Variants in CENPE observed in about 807,000 individuals in gnomAD.
CENPE encodes the protein centromere protein E.
CENPE carries 145 observed loss-of-function variants against 336.1 expected under a neutral mutation model. The ratio of observed to expected loss-of-function variants is 0.43; its 90% CI spans 0.38 to 0.50. The LOEUF is 0.50. CENPE is among the 20% of genes least tolerant of loss of function. The pLI, the probability that CENPE is intolerant of heterozygous loss-of-function variation, is 0.00. For synonymous variants in CENPE, 1,013 were observed against 984.8 expected, an observed-to-expected ratio of 1.03 and a Z score of -0.54; for missense variants, 2,719 against 3,023.3, an observed-to-expected ratio of 0.90 and a Z score of 2.36.
At position 103,110,942 on chromosome 4, in the gene CENPE, A is replaced by G. The variant is rs781728400; in HGVS notation, c.7610T>C (p.Val2537Ala). The G allele has an allele frequency of 3.7e-6, 6 of 1,612,736 alleles. No homozygotes were observed. In the Admixed American group the frequency reaches 8.4e-5, roughly 22 times the overall value. The change falls in exon 47 of 49, where the codon GTA (valine) becomes GCA (alanine). Residue 2537 changes from valine to alanine, a missense_variant. Transcript: ENST00000265148. ...PLTCGGGSGI[V>A]QNTKALILKS... Reference sequence around the variant, plus strand: ...CAAAATAAGAGCTTTTGTGTTTTGTACAATGCCGCTGCCACCTCCACAAGT... The same window carrying G: ...CAAAATAAGAGCTTTTGTGTTTTGTGCAATGCCGCTGCCACCTCCACAAGT...
At position 103,136,124 on chromosome 4, in the gene CENPE, AC is replaced by A. The variant is rs1306895530; in HGVS notation, c.6522+16del. The A allele has an allele frequency of 6.3e-7, 1 of 1,583,122 alleles. No individual in the cohort carries two copies. The highest frequency in any genetic ancestry group is 2.2e-5 in the East Asian group (1 of 44,698). ...TAACTGAAATATTTAAAAGGATATT[AC>A]TAAAAAAGATGGTACCTTCAGTTTC... On this transcript the variant is annotated intron_variant, in intron 40 of 48. Coordinates refer to ENST00000265148, the MANE Select transcript of CENPE (RefSeq NM_001813.3).
chr4:103,192,146 C>T (rs1435310944), intron 8 of CENPE, among the ~76,000 whole-genome samples: 4 of 151,948 alleles, frequency 2.6e-5, no homozygotes, highest in African/African-American at 4.8e-5. Context: ...CAAAGCTTTA[C>T]GTTATTTCTC....
intron 46 of CENPE, among the ~76,000 whole-genome samples, chr4:103,112,403 TTACA>T (rs1010278586): frequency 2.8e-5 from 4 of 141,126 alleles, no homozygotes; most frequent in Non-Finnish European, 6.1e-5. Context: ...AAATATACAC[TTACA>T]TATATATGTA....
At chr4:103,114,644 T>C in intron 45 of CENPE, 92 bp from the exon 46 acceptor site, 2 of 755,888 alleles carry the variant, frequency 2.6e-6, no homozygotes, top group South Asian at 1.6e-5. Flanking sequence ...TTCTAACACA[T>C]CACATTGACA....
intron 7 of CENPE, 27 bp downstream of exon 7, chr4:103,194,347 A>T (rs546241881): frequency 6.2e-7 from 1 of 1,607,754 alleles, no homozygotes; most frequent in African/African-American, 1.3e-5. Context: ...ACTTGGAAAG[A>T]TCTAACAGAT....
intron 16 of CENPE, among the ~76,000 whole-genome samples, chr4:103,168,329 A>C (rs28680703): frequency 6.6e-6 from 1 of 151,988 alleles, no homozygotes; most frequent in Non-Finnish European, 1.5e-5. Context: ...CCCATAATAG[A>C]TCCTAAAGCA....
At chr4:103,177,142 G>A (rs11932885) in intron 13 of CENPE, 96 bp from the exon 14 acceptor site, 1 of 992,364 alleles carries the variant, frequency 1.0e-6, no homozygotes, top group Non-Finnish European at 1.4e-6. Context: ...CCATTGACTT[G>A]GTAGAATTCT....
chr4:103,180,761 T>C (rs866795278), intron 12 of CENPE, among the ~76,000 whole-genome samples: 1 of 152,152 alleles, frequency 6.6e-6, no homozygotes, highest in Non-Finnish European at 1.5e-5. Context: ...AAGATATGAA[T>C]AGTCAGAAGT....
At chr4:103,165,893 A>G (rs1199082202) in intron 16 of CENPE, among the ~76,000 whole-genome samples, 4 of 150,412 alleles carry the variant, frequency 2.7e-5, no homozygotes, top group African/African-American at 7.3e-5. Context: ...AAAAAAAAAA[A>G]GAAAAAAAAG....
At chr4:103,135,163 GCT>G (rs1314995867) in intron 40 of CENPE, among the ~76,000 whole-genome samples, 1 of 152,014 alleles carries the variant, frequency 6.6e-6, no homozygotes, top group African/African-American at 2.4e-5. Context: ...TTATCCCAAG[GCT>G]CTTAGTCTTC....
At chr4:103,112,166 A>G (rs1749499593) in intron 46 of CENPE, among the ~76,000 whole-genome samples, 2 of 150,546 alleles carry the variant, frequency 1.3e-5, no homozygotes, top group Admixed American at 6.6e-5. Context: ...ATGCATATAT[A>G]TGTGTATACA....
At chr4:103,171,523 A>G (rs1329893355) in intron 16 of CENPE, among the ~76,000 whole-genome samples, 1 of 152,050 alleles carries the variant, frequency 6.6e-6, no homozygotes. Flanking sequence ...CAGTTCTAAA[A>G]GAGAAGTTTA....
chr4:103,198,236 G>C (rs1203232950), intron 1 of CENPE, 28 bp downstream of exon 1: 7 of 1,546,742 alleles, frequency 4.5e-6, no homozygotes, highest in Non-Finnish European at 6.1e-6. Context: ...GGCCCAGCGG[G>C]CACCGGGCCG....
chr4:103,154,578 A>C (rs543344416), intron 24 of CENPE, among the ~76,000 whole-genome samples: 1 of 152,318 alleles, frequency 6.6e-6, no homozygotes, highest in South Asian at 2.1e-4. Flanking sequence ...TTTTGGGACT[A>C]GTCTGTTAGA....
chr4:103,184,397 T>C (rs754185930), intron 9 of CENPE, among the ~76,000 whole-genome samples: 2 of 152,238 alleles, frequency 1.3e-5, no homozygotes, highest in Non-Finnish European at 2.9e-5. Flanking sequence ...TTTTGTTGGT[T>C]TCTTTTAAGC....
intron 16 of CENPE, among the ~76,000 whole-genome samples, chr4:103,171,647 A>G (rs1418703234): frequency 6.6e-6 from 1 of 151,892 alleles, no homozygotes; most frequent in Non-Finnish European, 1.5e-5. Context: ...AAATGGAAAG[A>G]ATAAAGATCA....
chr4:103,111,054 C>T (rs1749371998), intron 46 of CENPE, 43 bp from the exon 47 acceptor site: 1 of 1,388,516 alleles, frequency 7.2e-7, no homozygotes, highest in Admixed American at 2.3e-5. Context: ...TTTTAATTGT[C>T]TCCAAAGTTC....
chr4:103,176,197 A>T, intron 14 of CENPE, 149 bp from the exon 15 acceptor site: 2 of 499,906 alleles, frequency 4.0e-6, no homozygotes, highest in South Asian at 6.3e-5. Flanking sequence ...CCAAAAGTAC[A>T]TTAATAGATA....
At chr4:103,121,400 GT>G (rs1483444273) in intron 43 of CENPE, among the ~76,000 whole-genome samples, 2 of 151,640 alleles carry the variant, frequency 1.3e-5, no homozygotes, top group African/African-American at 4.8e-5. Flanking sequence ...ACTCTTTTTT[GT>G]TTTTGGCAAA....
Sources: gnomAD v4.1 joint callset for allele counts (sites outside exome capture counted in the v4.1 genomes callset) on GRCh38, gnomAD v4.1.1 for gene constraint, MANE v1.5 for transcripts, NCBI Gene and HGNC (gene_info 2026-07-23, HGNC 2026-07-21) for gene names.